WDPCP: variants seen among roughly 807,000 people sequenced by gnomAD.
The protein encoded by WDPCP is WD repeat containing planar cell polarity effector.
Under a neutral mutation model 93.1 loss-of-function variants are expected in WDPCP, and 71 were observed. That is an observed-to-expected ratio of 0.76 (90% CI 0.63 to 0.93). WDPCP has a LOEUF of 0.93. WDPCP is among the 40% of genes least tolerant of loss of function. The pLI is 0.00. For missense variants in WDPCP, 844 were observed against 887.4 expected (o/e 0.95, Z 0.62); for synonymous variants, 315 against 315.0 (o/e 1.00, Z 0.00).
chr2:63,298,409 A>T (rs1685040928), intron 13 of WDPCP, among the ~76,000 whole-genome samples: 1 of 151,860 alleles, frequency 6.6e-6, no homozygotes, highest in African/African-American at 2.4e-5. Context: ...CTGGGAGAGG[A>T]AGAACCACCT....
chr2:63,468,166 A>G (rs1362854975), intron 6 of WDPCP, among the ~76,000 whole-genome samples: 1 of 151,640 alleles, frequency 6.6e-6, no homozygotes, highest in East Asian at 1.9e-4. Context: ...TTTCTATCCA[A>G]CCCTCCTTCC....
intron 2 of WDPCP, among the ~76,000 whole-genome samples, chr2:63,693,206 T>C (rs749937563): frequency 3.9e-5 from 6 of 152,116 alleles, no homozygotes; most frequent in Non-Finnish European, 5.9e-5. Context: ...CAAAAATATA[T>C]GCACAAGGGG....
intron 2 of WDPCP, among the ~76,000 whole-genome samples, chr2:63,810,823 T>C (rs115879416): frequency 6.6e-6 from 1 of 152,380 alleles, no homozygotes; most frequent in Non-Finnish European, 1.5e-5. Context: ...CCTATTGCTT[T>C]ATAAACAATA....
chr2:63,412,039 A>G (rs1215991466), intron 9 of WDPCP, among the ~76,000 whole-genome samples: 1 of 152,194 alleles, frequency 6.6e-6, no homozygotes, highest in Non-Finnish European at 1.5e-5. Context: ...TGAAGCCGGC[A>G]TCACCCTAAT....
chr2:63,805,948 C>A (rs1265093283), intron 2 of WDPCP, among the ~76,000 whole-genome samples: 2 of 152,140 alleles, frequency 1.3e-5, no homozygotes, highest in African/African-American at 2.4e-5. Flanking sequence ...GGCAAAACCC[C>A]ATCTCTACAA....
chr2:63,594,989 G>A (rs1249644497), intron 3 of WDPCP: 1 of 256,356 alleles, frequency 3.9e-6, no homozygotes, highest in East Asian at 1.1e-4. Flanking sequence ...CTTCCAGCAA[G>A]CCTGATTAAT....
chr2:63,238,777 A>C (rs1273340572), intron 14 of WDPCP, among the ~76,000 whole-genome samples: 2 of 152,184 alleles, frequency 1.3e-5, no homozygotes, highest in Admixed American at 6.6e-5. Flanking sequence ...ATAGGGGAGT[A>C]ATAGGTCTTT....
chr2:63,808,314 TCCCTCTCCCCTCTC>T (rs775542137), intron 2 of WDPCP, among the ~76,000 whole-genome samples: 3 of 120,914 alleles, frequency 2.5e-5, no homozygotes, highest in Middle Eastern at 4.6e-3. Context: ...CTCTCCCCTC[TCCCTCTCCCCTCTC>T]CCCTCTCCCC....
chr2:63,539,712 C>T (rs1704569739), intron 1 of WDPCP, among the ~76,000 whole-genome samples: 3 of 152,026 alleles, frequency 2.0e-5, no homozygotes, highest in African/African-American at 7.2e-5. Flanking sequence ...AAATAAAACT[C>T]AGGTAAAACT....
chr2:63,357,610 ATGC>A (rs1690115445), intron 12 of WDPCP, among the ~76,000 whole-genome samples: 1 of 152,160 alleles, frequency 6.6e-6, no homozygotes. Flanking sequence ...GAAACAACAG[ATGC>A]TGGCAAGGTT....
intron 1 of WDPCP, among the ~76,000 whole-genome samples, chr2:63,556,376 G>A (rs553603952): frequency 6.6e-6 from 1 of 152,308 alleles, no homozygotes; most frequent in African/African-American, 2.4e-5. Context: ...CGATTGATTG[G>A]GGTACCTGAA....
At chr2:63,637,560 AAAAC>A (rs559231716) in intron 3 of WDPCP, among the ~76,000 whole-genome samples, 67 of 152,262 alleles carry the variant, frequency 4.4e-4, no homozygotes, top group Admixed American at 1.2e-3. Flanking sequence ...GCTCAATAGC[AAAAC>A]AAACAGACAA....
intron 8 of WDPCP, among the ~76,000 whole-genome samples, chr2:63,434,442 C>T (rs200600457): frequency 6.6e-6 from 1 of 152,174 alleles, no homozygotes; most frequent in East Asian, 1.9e-4. Flanking sequence ...GGATAAGCCA[C>T]AGCATCATGC....
intron 12 of WDPCP, among the ~76,000 whole-genome samples, chr2:63,327,159 G>A (rs966930937): frequency 6.6e-6 from 1 of 152,134 alleles, no homozygotes; most frequent in South Asian, 2.1e-4. Flanking sequence ...GACACAATGG[G>A]TATTCAGTAA....
chr2:63,742,009 T>A (rs554891193), intron 2 of WDPCP, among the ~76,000 whole-genome samples: 1 of 152,180 alleles, frequency 6.6e-6, no homozygotes, highest in Non-Finnish European at 1.5e-5. Context: ...CCAGATAAAT[T>A]TTTTCTCACA....
intron 2 of WDPCP, among the ~76,000 whole-genome samples, chr2:63,664,160 T>C (rs1023831595): frequency 1.3e-5 from 2 of 152,208 alleles, no homozygotes; most frequent in Non-Finnish European, 2.9e-5. Flanking sequence ...AGTTTAGGCA[T>C]CATCAGTACG....
At chr2:63,298,114 T>C (rs1685014912) in intron 13 of WDPCP, among the ~76,000 whole-genome samples, 1 of 152,124 alleles carries the variant, frequency 6.6e-6, no homozygotes, top group Admixed American at 6.5e-5. Flanking sequence ...CAACGCATAC[T>C]GACAAGGATG....
chr2:63,621,568 T>C (rs571141342), intron 3 of WDPCP, among the ~76,000 whole-genome samples: 277 of 152,206 alleles, frequency 1.8e-3, no homozygotes, highest in Non-Finnish European at 3.0e-3. Flanking sequence ...CTGAAAGTGA[T>C]GGAGAGGATG....
At position 63,473,220 on chromosome 2, in the gene WDPCP, A is replaced by G. The variant is rs1039084936; in HGVS notation, c.384+11384T>C. Among the ~76,000 whole-genome samples the G allele has an allele frequency of 1.3e-4, 20 of 152,258 alleles. No homozygotes were observed. In the East Asian group the frequency reaches 3.9e-3, roughly 29 times the overall value. On this transcript the variant is annotated intron_variant, in intron 6 of 17. Transcript: ENST00000272321. ...CGTTTTACTCTGGGAAGAATAATCT[A>G]TTTTTCCAGAGAAGGATCCTCTAAG...
Sources: allele counts gnomAD v4.1 joint callset (sites outside exome capture counted in the v4.1 genomes callset), GRCh38; gene constraint gnomAD v4.1.1; transcripts MANE v1.5; gene names NCBI Gene and HGNC (gene_info 2026-07-23, HGNC 2026-07-21).